The following CNOT8 variants were observed in gnomAD, a reference collection of about 807,000 sequenced individuals.
The protein encoded by CNOT8 is CAF1-like protein.
Under a neutral mutation model 34.6 loss-of-function variants are expected in CNOT8, and 18 were observed. That is an observed-to-expected ratio of 0.52 (90% CI 0.36 to 0.77). CNOT8 has a LOEUF of 0.77. CNOT8 is among the 30% of genes least tolerant of loss of function. CNOT8 has a pLI of 0.00. For missense variants in CNOT8, 189 were observed against 347.9 expected, an observed-to-expected ratio of 0.54 and a Z score of 3.63; for synonymous variants, 101 against 118.8, an observed-to-expected ratio of 0.85 and a Z score of 0.98.
intron 3 of CNOT8, among the ~76,000 whole-genome samples, chr5:154,869,756 C>G (rs1463086708): frequency 1.3e-5 from 2 of 151,884 alleles, no homozygotes; most frequent in Non-Finnish European, 2.9e-5. Context: ...TCCCAAGTAG[C>G]TGGGATTACA....
intron 2 of CNOT8, among the ~76,000 whole-genome samples, chr5:154,863,762 A>G (rs1293988015): frequency 1.3e-5 from 2 of 152,206 alleles, no homozygotes; most frequent in Non-Finnish European, 2.9e-5. Context: ...AACCTCTAGT[A>G]TCTTAGATTT....
At chr5:154,860,376 C>T (rs1761214598) in intron 1 of CNOT8, among the ~76,000 whole-genome samples, 1 of 152,128 alleles carries the variant, frequency 6.6e-6, no homozygotes, top group South Asian at 2.1e-4. Flanking sequence ...AATCACAGCT[C>T]ACTGCTGCAG....
chr5:154,861,021 T>C (rs560725468), intron 1 of CNOT8, among the ~76,000 whole-genome samples: 14 of 152,234 alleles, frequency 9.2e-5, no homozygotes, highest in African/African-American at 3.4e-4. Context: ...ATGTTTGAAA[T>C]GACACCAAAA....
intron 3 of CNOT8, among the ~76,000 whole-genome samples, chr5:154,866,771 G>T (rs1163082977): frequency 6.6e-6 from 1 of 152,030 alleles, no homozygotes; most frequent in Non-Finnish European, 1.5e-5. Context: ...AAATTAGCTG[G>T]GTATGCTGGC....
chr5:154,871,420 A>G (rs991422077), intron 4 of CNOT8, among the ~76,000 whole-genome samples: 29 of 152,168 alleles, frequency 1.9e-4, no homozygotes, highest in African/African-American at 6.7e-4. Flanking sequence ...TTAGCCAGGC[A>G]TGGTGACGGG....
At chr5:154,867,229 G>A (rs1761978684) in intron 3 of CNOT8, among the ~76,000 whole-genome samples, 1 of 152,112 alleles carries the variant, frequency 6.6e-6, no homozygotes, top group Non-Finnish European at 1.5e-5. Context: ...GTGTTACAAT[G>A]GATGAGTATT....
At chr5:154,864,449 C>T (rs1350941179) in intron 2 of CNOT8, among the ~76,000 whole-genome samples, 1 of 150,558 alleles carries the variant, frequency 6.6e-6, no homozygotes, top group Non-Finnish European at 1.5e-5. Flanking sequence ...CAGAGCGAGA[C>T]TCCGTCCCAA....
intron 3 of CNOT8, among the ~76,000 whole-genome samples, chr5:154,869,041 GCAGCCTGAAT>G (rs1762197734): frequency 6.6e-6 from 1 of 152,192 alleles, no homozygotes; most frequent in Admixed American, 6.5e-5. Flanking sequence ...TCTGAGGCAA[GCAGCCTGAAT>G]CAGCTGGAAG....
At chr5:154,870,286 G>A (rs1382106159) in intron 3 of CNOT8, among the ~76,000 whole-genome samples, 1 of 150,634 alleles carries the variant, frequency 6.6e-6, no homozygotes, top group African/African-American at 2.4e-5. Context: ...GTCTCACTCT[G>A]TCACCCAGGC....
rs145445405 is a variant in CNOT8 at position 154,875,290 on chromosome 5, T to C, written c.730T>C (p.Leu244=). 28 of 1,613,864 alleles carry C rather than the reference T, an allele frequency of 1.7e-5. No individual in the cohort carries two copies. The highest frequency in any genetic ancestry group is 6.7e-5 in the African/African-American group (5 of 74,926). ...TGMAFFRMKE[L]FFEDSIDDAK... Reference sequence around the variant, plus strand: ...CATGGTTCTCTGTCCCATTCTGCAGTTGTTTTTTGAGGACAGCATTGATGA... The same window carrying C: ...CATGGTTCTCTGTCCCATTCTGCAGCTGTTTTTTGAGGACAGCATTGATGA... Residue 244 remains leucine, a splice_region_variant and synonymous_variant, in exon 7 of 7, where the codon TTG becomes CTG. Coordinates refer to ENST00000285896, the MANE Select transcript of CNOT8 (RefSeq NM_001301073.2).
Position 154,865,263 on chromosome 5 carries a change from G to A in CNOT8, c.189G>A (p.Gln63=), listed in dbSNP as rs1761760284. The A allele has an allele frequency of 6.2e-7, 1 of 1,612,882 alleles. No individual in the cohort carries two copies. Among genetic ancestry groups the A allele is most frequent in the Admixed American group, 1.7e-5 (1 of 59,574 alleles). The change falls in exon 3 of 7, where the codon CAG becomes CAA. Residue 63 remains glutamine, a synonymous_variant. Coordinates refer to ENST00000285896, the MANE Select transcript of CNOT8 (RefSeq NM_001301073.2). ...EFRSSIDYQY[Q]LLRCNVDLLK... is the part of the protein sequence containing the mutation. ...GTAGTTCCATAGATTACCAATATCA[G>A]CTTCTGCGGTGCAATGTTGACCTTT...
At position 154,875,073 on chromosome 5, in the gene CNOT8, T is replaced by C. The variant is rs1326909750; in HGVS notation, c.730-217T>C. 2.0e-5 allele frequency among the ~76,000 whole-genome samples: 3 copies of C among 151,862 alleles called. No homozygotes were observed. The East Asian group carries it at 5.8e-4, about 29-fold the overall frequency. The stretch of plus-strand genomic sequence containing the variant: ...CTGGGATTACAGGTATGTGCCACCA[T>C]GCCCGGCTCATTTTTGTACTTTTAG... On this transcript the variant is annotated intron_variant, in intron 6 of 6. Transcript: ENST00000285896.
At chr5:154,875,208 C>CA in intron 6 of CNOT8, 82 bp from the exon 7 acceptor site, 1 of 1,478,240 alleles carries the variant, frequency 6.8e-7, no homozygotes, top group Non-Finnish European at 9.2e-7. Flanking sequence ...TGAGCCATTG[C>CA]ACCCGGCCAG....
chr5:154,862,322 T>C (rs774568003), intron 1 of CNOT8, among the ~76,000 whole-genome samples: 1 of 152,028 alleles, frequency 6.6e-6, no homozygotes, highest in Non-Finnish European at 1.5e-5. Flanking sequence ...ATACAAAAAA[T>C]AGCTGGGCGT....
chr5:154,870,283 T>G (rs1242255832), intron 3 of CNOT8, among the ~76,000 whole-genome samples: 1 of 151,672 alleles, frequency 6.6e-6, no homozygotes, highest in Non-Finnish European at 1.5e-5. Flanking sequence ...GGAGTCTCAC[T>G]CTGTCACCCA....
chr5:154,861,070 C>G (rs1193044340), intron 1 of CNOT8, among the ~76,000 whole-genome samples: 1 of 152,092 alleles, frequency 6.6e-6, no homozygotes, highest in African/African-American at 2.4e-5. Flanking sequence ...TAAGGAAGTA[C>G]CACCGATTTA....
chr5:154,875,351 C>T lies in CNOT8; in HGVS notation c.791C>T (p.Thr264Ile). ...KYCGRLYGLG[T>I]GVAQKQNEDV... ...TGTGGGCGGCTCTATGGCTTAGGCACAGGAGTGGCCCAGAAGCAGAATGAG... is the reference window on the plus strand; with the variant it reads ...TGTGGGCGGCTCTATGGCTTAGGCATAGGAGTGGCCCAGAAGCAGAATGAG... The change falls in exon 7 of 7, where the codon ACA becomes ATA. Residue 264 changes from threonine (T) to isoleucine (I), a missense_variant. Thr to Ile is a moderately conservative substitution (Grantham distance 89). Transcript: ENST00000285896. 1.9e-6 allele frequency: 3 copies of T among 1,614,152 alleles called. No individual in the cohort carries two copies. The highest frequency in any genetic ancestry group is 1.1e-5 in the South Asian group (1 of 91,082).
chr5:154,873,434 A>G (rs1762666902), intron 6 of CNOT8, among the ~76,000 whole-genome samples: 1 of 152,166 alleles, frequency 6.6e-6, no homozygotes, highest in Non-Finnish European at 1.5e-5. Context: ...ATAGAAATAT[A>G]TTTGTTAGGC....
intron 1 of CNOT8, chr5:154,859,143 G>A (rs1761084160): frequency 6.6e-6 from 1 of 152,190 alleles, no homozygotes; most frequent in Non-Finnish European, 1.5e-5. Context: ...AGTTATCTTA[G>A]TCCTAAGGCC....
Sources: gnomAD v4.1 joint callset for allele counts (sites outside exome capture counted in the v4.1 genomes callset) on GRCh38, gnomAD v4.1.1 for gene constraint, MANE v1.5 for transcripts, NCBI Gene and HGNC (gene_info 2026-07-23, HGNC 2026-07-21) for gene names.